The following SBF2 variants were observed in gnomAD, a reference collection of about 807,000 sequenced individuals.
SBF2 encodes the protein SET binding factor 2.
Under a neutral mutation model 225.2 loss-of-function variants are expected in SBF2, and 112 were observed. That is an observed-to-expected ratio of 0.50 (90% confidence interval 0.43 to 0.58). SBF2 has a LOEUF of 0.58. Ranked by LOEUF, SBF2 falls within the 20% of genes least tolerant of loss-of-function variation. The pLI, the probability that SBF2 is intolerant of heterozygous loss-of-function variation, is 0.00. For missense variants in SBF2, 1,996 were observed against 2,206.2 expected (o/e 0.90, Z 1.91); for synonymous variants, 763 against 773.3 (o/e 0.99, Z 0.22).
intron 1 of SBF2, among the ~76,000 whole-genome samples, chr11:10,274,579 T>C (rs1029854168): frequency 1.2e-4 from 19 of 152,030 alleles, no homozygotes; most frequent in African/African-American, 4.6e-4. Flanking sequence ...AGTGAAACAC[T>C]GTCTCTACTA....
At chr11:9,959,751 G>A (rs1590611153) in intron 16 of SBF2, 2 of 657,034 alleles carry the variant, frequency 3.0e-6, no homozygotes, top group Admixed American at 1.8e-5. Flanking sequence ...CCTGCTTGAC[G>A]CCTCTGTTTA....
intron 1 of SBF2, among the ~76,000 whole-genome samples, chr11:10,200,527 G>A (rs1425298580): frequency 6.6e-6 from 1 of 152,102 alleles, no homozygotes; most frequent in Non-Finnish European, 1.5e-5. Context: ...AATGAAACAT[G>A]TAAATCCCTT....
chr11:9,946,874 CTG>C (rs1865594788), intron 16 of SBF2, among the ~76,000 whole-genome samples: 1 of 152,184 alleles, frequency 6.6e-6, no homozygotes. Context: ...TTGGAAATTA[CTG>C]TGAGTCTTTT....
intron 39 of SBF2, 76 bp downstream of exon 39, chr11:9,781,431 A>C: frequency 6.3e-7 from 1 of 1,588,884 alleles, no homozygotes; most frequent in Non-Finnish European, 8.6e-7. Context: ...AATTACTCTG[A>C]GGGCTCCATC....
At chr11:9,846,628 A>G (rs1483825912) in intron 23 of SBF2, among the ~76,000 whole-genome samples, 1 of 152,218 alleles carries the variant, frequency 6.6e-6, no homozygotes, top group African/African-American at 2.4e-5. Context: ...ACAGATGACA[A>G]GATAATTGCT....
intron 1 of SBF2, among the ~76,000 whole-genome samples, chr11:10,249,518 A>G (rs1264090196): frequency 6.6e-6 from 1 of 152,212 alleles, no homozygotes; most frequent in African/African-American, 2.4e-5. Context: ...TCTATCAATG[A>G]GTAAACATTG....
In SBF2 at chr11:10,069,420, T is replaced by C. The variant is rs577060081; in HGVS notation, c.142-26439A>G. ...TGAGAACATGTGGTGTTTGGTTTTCTGTCTTTGTTACAGTTTGCTAAGAAC... is the reference window on the plus strand; with the variant it reads ...TGAGAACATGTGGTGTTTGGTTTTCCGTCTTTGTTACAGTTTGCTAAGAAC... On this transcript the variant is annotated intron_variant, in intron 2 of 39. Transcript: ENST00000256190. 6.0e-5 allele frequency among the ~76,000 whole-genome samples: 9 copies of C among 150,264 alleles called. No homozygotes were observed. The East Asian group carries it at 1.2e-3, about 20-fold the overall frequency.
intron 10 of SBF2, 24 bp from the exon 11 acceptor site, chr11:9,993,127 A>T (rs766681815): frequency 5.8e-6 from 9 of 1,542,738 alleles, no homozygotes; most frequent in Non-Finnish European, 8.0e-6. Flanking sequence ...AAGAAATGTT[A>T]GGTAATTTAA....
chr11:10,100,455 C>T (rs779767835), intron 2 of SBF2, among the ~76,000 whole-genome samples: 1 of 152,240 alleles, frequency 6.6e-6, no homozygotes, highest in Admixed American at 6.5e-5. Context: ...TTCTGGCAAT[C>T]TCTCTACTGG....
At chr11:9,895,729 T>A (rs1360101622) in intron 17 of SBF2, among the ~76,000 whole-genome samples, 1 of 152,302 alleles carries the variant, frequency 6.6e-6, no homozygotes, top group African/African-American at 2.4e-5. Context: ...GAAAAGGATG[T>A]AACGGGTGTG....
chr11:10,181,852 T>C (rs1406057459), intron 2 of SBF2, among the ~76,000 whole-genome samples: 1 of 152,192 alleles, frequency 6.6e-6, no homozygotes, highest in African/African-American at 2.4e-5. Context: ...TATATTTGAT[T>C]AATGAGCTTT....
chr11:9,880,788 A>G (rs1400104289), intron 17 of SBF2, among the ~76,000 whole-genome samples: 1 of 152,228 alleles, frequency 6.6e-6, no homozygotes, highest in African/African-American at 2.4e-5. Flanking sequence ...TTTTCCTGTC[A>G]TATTTTCCTT....
intron 16 of SBF2, chr11:9,959,549 G>C: frequency 1.3e-6 from 1 of 780,596 alleles, no homozygotes; most frequent in Non-Finnish European, 2.4e-6. Context: ...TTGTGGAAGG[G>C]GTCCCAAAAC....
At position 9,962,006 on chromosome 11, in the gene SBF2, T is replaced by A; in HGVS notation, c.1811A>T (p.Asp604Val). 1 of 1,614,104 alleles carries A rather than the reference T, an allele frequency of 6.2e-7. No individual in the cohort carries two copies. The highest frequency in any genetic ancestry group is 8.5e-7 in the Non-Finnish European group (1 of 1,179,950). ...TATTATGTAGTCAAACTGTTGATGG[T>A]CTAATATTGCCCGGTTTTGCTGGAC... ...LHVQQNRAIL[D>V]HQQFDYIIRM... Residue 604 changes from aspartate to valine, a missense_variant, in exon 16 of 40, where the codon GAC becomes GTC. Asp to Val is a radical substitution (Grantham distance 152, BLOSUM62 -3). Transcript: ENST00000256190.
intron 1 of SBF2, among the ~76,000 whole-genome samples, chr11:10,230,440 G>A (rs1482087416): frequency 6.6e-6 from 1 of 152,152 alleles, no homozygotes; most frequent in Non-Finnish European, 1.5e-5. Context: ...TTTTTGCAGT[G>A]GCTGGTACCG....
rs527476978 is a variant in SBF2 at position 10,128,070 on chromosome 11, T to C, written c.141+65832A>G. On this transcript the variant is annotated intron_variant, in intron 2 of 39. Coordinates refer to ENST00000256190, the MANE Select transcript of SBF2 (RefSeq NM_030962.4). ...ATTCAGTATTACTATTAGAAGTGTC[T>C]GATACTATTTAGCCTAAATGATGTT... Among the ~76,000 whole-genome samples, 12 of 152,352 alleles carry C rather than the reference T, an allele frequency of 7.9e-5. No individual in the cohort carries two copies. The East Asian group carries it at 2.3e-3, about 29-fold the overall frequency.
At chr11:9,866,022 T>A (rs1858190762) in intron 17 of SBF2, among the ~76,000 whole-genome samples, 1 of 152,210 alleles carries the variant, frequency 6.6e-6, no homozygotes, top group South Asian at 2.1e-4. Context: ...TTCAGTACCA[T>A]TTAGTAGGGC....
chr11:10,298,613 T>A (rs1964569224), upstream of SBF2, among the ~76,000 whole-genome samples: 1 of 152,232 alleles, frequency 6.6e-6, no homozygotes, highest in Admixed American at 6.5e-5. Flanking sequence ...CCTCTTCAGA[T>A]CGTCTCTACC....
At chr11:10,088,262 C>G (rs1951654413) in intron 2 of SBF2, among the ~76,000 whole-genome samples, 1 of 152,042 alleles carries the variant, frequency 6.6e-6, no homozygotes, top group Non-Finnish European at 1.5e-5. Context: ...TGGACTCAAG[C>G]AATCCGCCTA....
Sources: allele counts gnomAD v4.1 joint callset (sites outside exome capture counted in the v4.1 genomes callset), GRCh38; gene constraint gnomAD v4.1.1; transcripts MANE v1.5; gene names NCBI Gene and HGNC (gene_info 2026-07-23, HGNC 2026-07-21).